ERGIC1: variants seen among roughly 807,000 people sequenced by gnomAD.
The protein encoded by ERGIC1 is endoplasmic reticulum-Golgi intermediate compartment protein 1.
ERGIC1 carries 19 observed loss-of-function variants against 38.3 expected under a neutral mutation model. The ratio of observed to expected loss-of-function variants is 0.50; its 90% CI spans 0.35 to 0.73. The LOEUF (loss-of-function observed/expected upper bound fraction) is 0.73. Ranked by LOEUF, ERGIC1 falls within the 30% of genes least tolerant of loss-of-function variation. The probability of loss-of-function intolerance (pLI) is 0.01; values close to 1 mark genes in which losing one functional copy is unlikely to be tolerated. For missense variants in ERGIC1, 294 were observed against 389.2 expected, an observed-to-expected ratio of 0.76 and a Z score of 2.06; for synonymous variants, 124 against 157.6, an observed-to-expected ratio of 0.79 and a Z score of 1.60.
intron 3 of ERGIC1, among the ~76,000 whole-genome samples, chr5:172,903,336 C>T (rs1762934138): frequency 6.6e-6 from 1 of 152,108 alleles, no homozygotes; most frequent in African/African-American, 2.4e-5. Flanking sequence ...TGGGAGGGGA[C>T]ACACCTGAAG....
chr5:172,901,213 T>G (rs1762867136), intron 3 of ERGIC1, among the ~76,000 whole-genome samples: 1 of 152,186 alleles, frequency 6.6e-6, no homozygotes, highest in Non-Finnish European at 1.5e-5. Flanking sequence ...ATCAGTGACA[T>G]AAGACGCTTA....
At chr5:172,921,162 G>C (rs1029404616) in intron 5 of ERGIC1, among the ~76,000 whole-genome samples, 3 of 152,192 alleles carry the variant, frequency 2.0e-5, no homozygotes, top group African/African-American at 7.2e-5. Flanking sequence ...CGCCCATTTC[G>C]CTGATGGAGA....
chr5:172,848,636 A>G (rs1447192614), intron 1 of ERGIC1, among the ~76,000 whole-genome samples: 5 of 152,094 alleles, frequency 3.3e-5, no homozygotes, highest in Admixed American at 6.6e-5. Flanking sequence ...GGCCATATCT[A>G]TGTGTTCATC....
At chr5:172,864,104 G>C (rs7724375) in intron 1 of ERGIC1, among the ~76,000 whole-genome samples, 109,249 of 151,544 alleles carry the variant, frequency 0.72, 41,185 homozygotes, top group Non-Finnish European at 0.84. Flanking sequence ...GGCTGAGGCA[G>C]GAGAATCGCT....
rs867844655 is a variant in ERGIC1 at position 172,853,533 on chromosome 5, C to G, written c.20+19100C>G. On this transcript the variant is annotated intron_variant, in intron 1 of 9. Transcript: ENST00000393784. ...TGGCCCATTTCACAGATGAGAAACT[C>G]GAGGCTTACAGAGTCAGTCTGCGCA... 5.2e-3 allele frequency among the ~76,000 whole-genome samples: 784 copies of G among 152,190 alleles called. 5 individuals carry two copies. The highest frequency in any genetic ancestry group is 0.018 in the African/African-American group (751 of 41,524).
chr5:172,914,519 C>T (rs1026708807), intron 4 of ERGIC1, 195 bp from the exon 5 acceptor site: 10 of 853,886 alleles, frequency 1.2e-5, no homozygotes, highest in Non-Finnish European at 1.9e-5. Context: ...TATGCACTGC[C>T]CCCCTCGCCT....
At chr5:172,924,641 C>T (rs983280272) in intron 6 of ERGIC1, among the ~76,000 whole-genome samples, 3 of 152,056 alleles carry the variant, frequency 2.0e-5, no homozygotes, top group Non-Finnish European at 4.4e-5. Context: ...GGGCCCAGAC[C>T]GAGGCAGGTG....
chr5:172,863,570 T>C (rs1167663440), intron 1 of ERGIC1, among the ~76,000 whole-genome samples: 3 of 152,138 alleles, frequency 2.0e-5, no homozygotes, highest in African/African-American at 2.4e-5. Flanking sequence ...CCTCTCTCTT[T>C]CAGGAATTCA....
intron 6 of ERGIC1, among the ~76,000 whole-genome samples, chr5:172,924,354 C>G (rs908541218): frequency 1.3e-5 from 2 of 152,212 alleles, no homozygotes; most frequent in Admixed American, 6.5e-5. Context: ...GTGAAAGACC[C>G]TCAAGGTTAC....
intron 2 of ERGIC1, 142 bp from the exon 3 acceptor site, chr5:172,896,860 C>T (rs759769654): frequency 4.0e-5 from 28 of 701,082 alleles, no homozygotes; most frequent in Non-Finnish European, 6.3e-5. Flanking sequence ...TATTGAGGCT[C>T]GAGTCAGAAG....
intron 9 of ERGIC1, among the ~76,000 whole-genome samples, chr5:172,946,598 A>T (rs1421801609): frequency 6.6e-6 from 1 of 152,192 alleles, no homozygotes; most frequent in African/African-American, 2.4e-5. Context: ...AGGTATGGTG[A>T]CCTTCTAAGA....
At chr5:172,907,639 A>G (rs1011072473) in intron 3 of ERGIC1, among the ~76,000 whole-genome samples, 2 of 151,688 alleles carry the variant, frequency 1.3e-5, no homozygotes, top group African/African-American at 4.8e-5. Context: ...CAAAGCAGCC[A>G]TGCCCTCCCC....
chr5:172,932,354 T>C, intron 7 of ERGIC1, 82 bp from the exon 8 acceptor site: 1 of 1,448,994 alleles, frequency 6.9e-7, no homozygotes, highest in Non-Finnish European at 9.5e-7. Flanking sequence ...CCAGGGAATT[T>C]AGGCTTAGGA....
rs780843844 is a variant in ERGIC1, at chr5:172,935,301, C to A, written c.756C>A (p.Phe252Leu). Reference protein sequence around the residue: ...YTERRQPLYRFITTICAIIGG... With the variant: ...YTERRQPLYRLITTICAIIGG... ...AGAGACGGCAGCCGCTGTACAGATT[C>A]ATCACCACGGTGAGTGGCCTGGGGC... The change falls in exon 9 of 10, where the codon TTC (phenylalanine) becomes TTA (leucine). Residue 252 changes from phenylalanine (F) to leucine (L), a missense_variant. This residue lies in a region of ERGIC1 where 109 missense variants were observed against 112.7 expected (regional missense o/e 0.97). Transcript: ENST00000393784. The A allele has an allele frequency of 1.6e-5, 26 of 1,614,106 alleles. No homozygotes were observed. The highest frequency in any genetic ancestry group is 2.2e-5 in the Non-Finnish European group (26 of 1,180,034).
chr5:172,876,552 G>A lies in ERGIC1; in HGVS notation c.21-12147G>A, dbSNP rs536201813. On this transcript the variant is annotated intron_variant, in intron 1 of 9. Transcript: ENST00000393784. ...AATGTATGGGATGTATTTCAATCACGGCTGTTATTAAAATGTTTTATTCAG... is the reference window on the plus strand; with the variant it reads ...AATGTATGGGATGTATTTCAATCACAGCTGTTATTAAAATGTTTTATTCAG... Among the ~76,000 whole-genome samples the A allele has an allele frequency of 5.9e-5, 9 of 152,210 alleles. 1 individual carries two copies. The South Asian group carries it at 1.9e-3, about 32-fold the overall frequency.
At chr5:172,886,116 C>T (rs1045792738) in intron 1 of ERGIC1, among the ~76,000 whole-genome samples, 12 of 152,138 alleles carry the variant, frequency 7.9e-5, no homozygotes, top group Non-Finnish European at 1.0e-4. Context: ...CACAGTAGAC[C>T]GCCCGCCGGC....
chr5:172,894,199 T>TTC (rs1554110462), intron 2 of ERGIC1, among the ~76,000 whole-genome samples: 2 of 134,422 alleles, frequency 1.5e-5, no homozygotes, highest in African/African-American at 2.7e-5. Context: ...CTTTTTCTTT[T>TTC]TTTTTTTTTT....
intron 3 of ERGIC1, among the ~76,000 whole-genome samples, chr5:172,908,252 A>AGAGAAGGGGGAAGCTGCT (rs1763086501): frequency 2.2e-5 from 3 of 137,886 alleles, no homozygotes; most frequent in East Asian, 5.0e-4. Context: ...GGTGGAGGCC[A>AGAGAAGGGGGAAGCTGCT]GGCACAGTGG....
At chr5:172,910,359 C>T (rs954483282) in intron 4 of ERGIC1, among the ~76,000 whole-genome samples, 1 of 152,172 alleles carries the variant, frequency 6.6e-6, no homozygotes, top group African/African-American at 2.4e-5. Context: ...AAGGGCGCAG[C>T]TCTGAGTCAT....
Sources: allele counts gnomAD v4.1 joint callset (sites outside exome capture counted in the v4.1 genomes callset), GRCh38; gene constraint gnomAD v4.1.1; regional missense constraint gnomAD v4.1.1; transcripts MANE v1.5; gene names NCBI Gene and HGNC (gene_info 2026-07-23, HGNC 2026-07-21).